The following U2SURP variants were observed in gnomAD, a reference collection of about 807,000 sequenced individuals.
U2SURP encodes the protein U2 snRNP-associated SURP motif-containing protein.
A neutral mutation model predicts 144.9 loss-of-function variants in U2SURP; 9 were observed. That is an observed-to-expected ratio of 0.06 (90% confidence interval 0.04 to 0.11). The LOEUF is 0.11. Ranked by LOEUF, U2SURP falls within the 10% of genes least tolerant of loss-of-function variation. The pLI is 1.00. For missense variants in U2SURP, 724 were observed against 1,226.7 expected, an observed-to-expected ratio of 0.59 and a Z score of 6.12; for synonymous variants, 408 against 396.8, an observed-to-expected ratio of 1.03 and a Z score of -0.33.
chr3:143,016,267 A>G lies in U2SURP; in HGVS notation c.332A>G (p.Lys111Arg). 1 of 1,613,078 alleles carries G rather than the reference A, an allele frequency of 6.2e-7. No homozygotes were observed. Among genetic ancestry groups the G allele is most frequent in the Non-Finnish European group, 8.5e-7 (1 of 1,179,260 alleles). The change falls in exon 5 of 28, where the codon AAG becomes AGG. Residue 111 changes from lysine to arginine, a missense_variant. Physicochemically the swap from Lys to Arg is conservative, Grantham distance 26. Around this residue, in one of 13 missense-constraint regions of U2SURP, gnomAD observed 115 missense variants for 258.1 expected, o/e 0.45. Coordinates refer to ENST00000473835, the MANE Select transcript of U2SURP (RefSeq NM_001080415.2). The stretch of plus-strand genomic sequence containing the variant: ...TTCATGTGTATTTAGGAGGATGAAA[A>G]GGCAGCTGCTGAGATTTATGAGGAG... ...QEELKKKEDEKAAAEIYEEFL... is the reference protein window; with the variant it reads ...QEELKKKEDERAAAEIYEEFL...
At chr3:143,014,704 A>G (rs938250767) in intron 4 of U2SURP, among the ~76,000 whole-genome samples, 4 of 152,068 alleles carry the variant, frequency 2.6e-5, no homozygotes, top group African/African-American at 7.2e-5. Context: ...CCTTAGATTA[A>G]TGATAGCATG....
intron 22 of U2SURP, 152 bp downstream of exon 22, chr3:143,038,355 T>C: frequency 1.7e-6 from 1 of 597,540 alleles, no homozygotes; most frequent in Non-Finnish European, 2.7e-6. Flanking sequence ...TATGCTTTTA[T>C]TGTGGTTGGT....
In U2SURP at chr3:143,012,209, A is replaced by G. The variant is rs778500293; in HGVS notation, c.91-13A>G. ...GTGGTTTGTTTTTTTCTCTTGTTTTACTTTTCCTGAAGATGGATGCATCTG... is the reference window on the plus strand; with the variant it reads ...GTGGTTTGTTTTTTTCTCTTGTTTTGCTTTTCCTGAAGATGGATGCATCTG... On this transcript the variant is annotated splice_polypyrimidine_tract_variant and intron_variant, in intron 2 of 27. Transcript: ENST00000473835. 3 of 1,605,360 alleles carry G rather than the reference A, an allele frequency of 1.9e-6. No individual in the cohort carries two copies. Among genetic ancestry groups the G allele is most frequent in the Middle Eastern group, 1.7e-4 (1 of 5,996 alleles).
Position 143,014,323 on chromosome 3 carries a change from A to T in U2SURP, c.235A>T (p.Asn79Tyr), listed in dbSNP as rs755917687. 6.2e-7 allele frequency: 1 copy of T among 1,602,244 alleles called. No individual in the cohort carries two copies. Among genetic ancestry groups the T allele is most frequent in the Non-Finnish European group, 8.5e-7 (1 of 1,174,724 alleles). Residue 79 changes from asparagine (N) to tyrosine (Y), a missense_variant, in exon 4 of 28, where the codon AAC becomes TAC. Transcript: ENST00000473835. ...HQNLSRPLLE[N>Y]KLKAFSIGKM... ...TTTTATTTCTTAGCCTCTTCTGGAA[A>T]ACAAACTTAAAGCATTCAGTATTGG...
intron 19 of U2SURP, 51 bp downstream of exon 19, chr3:143,035,026 G>A: frequency 1.1e-5 from 3 of 275,888 alleles, no homozygotes; most frequent in Middle Eastern, 4.3e-4. Context: ...ATGGGTGGGG[G>A]GAGGGCATTG....
chr3:143,005,232 A>G (rs1164765904), intron 1 of U2SURP, among the ~76,000 whole-genome samples: 1 of 150,770 alleles, frequency 6.6e-6, no homozygotes, highest in African/African-American at 2.4e-5. Context: ...TTGGACATCC[A>G]GTGCTGAATT....
intron 24 of U2SURP, among the ~76,000 whole-genome samples, chr3:143,046,087 A>G (rs1453202592): frequency 6.6e-6 from 1 of 152,046 alleles, no homozygotes; most frequent in East Asian, 1.9e-4. Flanking sequence ...TATATTCTAT[A>G]GTATATATAC....
chr3:143,016,334 A>G lies in U2SURP; in HGVS notation c.399A>G (p.Lys133=). The change falls in exon 5 of 28, where the codon AAA becomes AAG. Residue 133 remains lysine (K), a synonymous_variant. Coordinates refer to ENST00000473835, the MANE Select transcript of U2SURP (RefSeq NM_001080415.2). ...AFEGSDGNKV[K]TFVRGGVVNA... ...AAGGAAGTGATGGTAATAAAGTGAA[A>G]ACATTTGTGCGAGGGGGTGTTGTTA... 6.2e-7 allele frequency: 1 copy of G among 1,613,288 alleles called. No individual in the cohort carries two copies. Among genetic ancestry groups the G allele is most frequent in the Non-Finnish European group, 8.5e-7 (1 of 1,179,372 alleles).
intron 16 of U2SURP, among the ~76,000 whole-genome samples, chr3:143,030,785 C>A (rs1307141691): frequency 6.6e-6 from 1 of 152,124 alleles, no homozygotes; most frequent in African/African-American, 2.4e-5. Context: ...GTGGCTCACA[C>A]CTGTAATCCC....
intron 22 of U2SURP, 23 bp downstream of exon 22, chr3:143,038,226 T>C (rs765423179): frequency 1.3e-6 from 2 of 1,518,804 alleles, no homozygotes; most frequent in Non-Finnish European, 1.8e-6. Flanking sequence ...AAAATAAATA[T>C]TTTTTAAATT....
chr3:143,003,194 T>C (rs1486241442), intron 1 of U2SURP, among the ~76,000 whole-genome samples: 1 of 152,228 alleles, frequency 6.6e-6, no homozygotes, highest in Non-Finnish European at 1.5e-5. Flanking sequence ...AAATAAATTA[T>C]TGGATTATCC....
At chr3:143,054,184 C>G (rs1359197006) in intron 26 of U2SURP, among the ~76,000 whole-genome samples, 1 of 152,188 alleles carries the variant, frequency 6.6e-6, no homozygotes, top group Non-Finnish European at 1.5e-5. Flanking sequence ...TTAGTCTTAT[C>G]TTGAAAGGAG....
In U2SURP at chr3:143,002,898, C is replaced by T. The variant is rs560100279; in HGVS notation, c.45+1225C>T. On this transcript the variant is annotated intron_variant, in intron 1 of 27. Coordinates refer to ENST00000473835, the MANE Select transcript of U2SURP (RefSeq NM_001080415.2). ...ACAAGGTATTGTGTCAGTTTTTTTT[C>T]CCCCTCCTCAGTACATTTTCTCGTC... 8.7e-5 allele frequency among the ~76,000 whole-genome samples: 13 copies of T among 149,354 alleles called. No homozygotes were observed. In the East Asian group the frequency reaches 2.5e-3, roughly 29 times the overall value.
At chr3:143,042,930 T>C (rs6802445) in intron 23 of U2SURP, among the ~76,000 whole-genome samples, 187 bp from the exon 24 acceptor site, 69 of 152,254 alleles carry the variant, frequency 4.5e-4, no homozygotes, top group African/African-American at 1.6e-3. Flanking sequence ...GAAAGAAGTG[T>C]TTTATAAAAT....
At chr3:143,030,701 G>T (rs1933431411) in intron 16 of U2SURP, among the ~76,000 whole-genome samples, 1 of 152,066 alleles carries the variant, frequency 6.6e-6, no homozygotes, top group Non-Finnish European at 1.5e-5. Flanking sequence ...AGTGGGTCTG[G>T]GAAAAAGTCA....
rs550361955 is a variant in U2SURP, at chr3:143,016,472, G to C, written c.436+101G>C. 13 of 1,075,828 alleles carry C rather than the reference G, an allele frequency of 1.2e-5. No homozygotes were observed. In the African/African-American group the frequency reaches 2.1e-4, roughly 17 times the overall value. 66.6% of individuals were successfully genotyped at this position (1,075,828 alleles called of 1,614,324 possible). On this transcript the variant is annotated intron_variant, in intron 5 of 27. Transcript: ENST00000473835. ...TGACTGCAGGTAGATAATTATGAAA[G>C]GAAGTTTGGTTGCTTTTGAATTTTA...
chr3:143,053,987 G>T (rs1373570027), intron 26 of U2SURP, among the ~76,000 whole-genome samples, 193 bp downstream of exon 26: 1 of 152,172 alleles, frequency 6.6e-6, no homozygotes, highest in Non-Finnish European at 1.5e-5. Flanking sequence ...GTTAACCAGG[G>T]CATCATCCCT....
intron 20 of U2SURP, among the ~76,000 whole-genome samples, chr3:143,036,482 A>T (rs908968113): frequency 2.6e-5 from 4 of 152,226 alleles, no homozygotes; most frequent in African/African-American, 9.6e-5. Flanking sequence ...GCAGATATAC[A>T]TCACCATTCT....
chr3:143,045,603 C>T (rs1934391306), intron 24 of U2SURP, among the ~76,000 whole-genome samples: 1 of 152,194 alleles, frequency 6.6e-6, no homozygotes, highest in South Asian at 2.1e-4. Context: ...ATTCTTTCCA[C>T]CTTGTATACG....
Sources: gnomAD v4.1 joint callset for allele counts (sites outside exome capture counted in the v4.1 genomes callset) on GRCh38, gnomAD v4.1.1 for gene constraint, gnomAD v4.1.1 regional missense constraint, MANE v1.5 for transcripts, NCBI Gene and HGNC (gene_info 2026-07-23, HGNC 2026-07-21) for gene names.